The following COL1A1 variants were observed in gnomAD, a reference collection of about 807,000 sequenced individuals.
COL1A1 encodes collagen alpha-1(I) chain.
COL1A1 carries 21 observed loss-of-function variants against 195.7 expected under a neutral mutation model. The observed-to-expected ratio is 0.11, with a 90% CI of 0.08 to 0.15. COL1A1 has a LOEUF of 0.15. COL1A1 is among the 10% of genes least tolerant of loss of function. The pLI, the probability that COL1A1 is intolerant of heterozygous loss-of-function variation, is 1.00. For synonymous variants in COL1A1, 749 were observed against 747.3 expected (o/e 1.00, Z -0.04); for missense variants, 1,365 against 2,051.0 (o/e 0.67, Z 6.46).
Position 50,192,845 on chromosome 17 carries a change from A to C in COL1A1, c.1827T>G (p.Pro609=). ...GVPGPPGAVG[P]AGKDGEAGAQ... ...CTCCAGCCTCTCCATCTTTGCCAGC[A>C]GGACCCTGCAGGGAGAGAGCAAAGG... The change falls in exon 27 of 51, where the codon CCT becomes CCG. Residue 609 remains proline (P), a synonymous_variant. Coordinates refer to ENST00000225964, the MANE Select transcript of COL1A1 (RefSeq NM_000088.4). The C allele has an allele frequency of 6.2e-7, 1 of 1,613,814 alleles. No homozygotes were observed. Among genetic ancestry groups the C allele is most frequent in the Non-Finnish European group, 8.5e-7 (1 of 1,179,930 alleles).
At position 50,188,865 on chromosome 17, in the gene COL1A1, T is replaced by C. The variant is rs751167968; in HGVS notation, c.3045+38A>G. On this transcript the variant is annotated intron_variant, in intron 41 of 50. Transcript: ENST00000225964. The surrounding 1 kb of genome is among the most constrained non-coding windows in gnomAD (Gnocchi z 5.6). The stretch of plus-strand genomic sequence containing the variant: ...GGCTTAGGCAAGGCCACAATGGCCA[T>C]GCTGAGGGTACTGGCATGGGGGCTG... 102 of 1,583,910 alleles carry C rather than the reference T, an allele frequency of 6.4e-5. 2 individuals carry two copies. In the Middle Eastern group the frequency reaches 1.0e-3, roughly 16 times the overall value.
intron 29 of COL1A1, 188 bp from the exon 30 acceptor site, chr17:50,192,212 C>G: frequency 1.3e-6 from 1 of 741,990 alleles, no homozygotes; most frequent in South Asian, 1.8e-5. Context: ...TTCCCCCCTC[C>G]CCAAACTATG....
intron 2 of COL1A1, 81 bp from the exon 3 acceptor site, chr17:50,199,671 C>T: frequency 6.2e-7 from 1 of 1,608,170 alleles, no homozygotes; most frequent in South Asian, 1.1e-5. Flanking sequence ...CACGGAGGGC[C>T]AGCGAGCGCC....
Position 50,187,550 on chromosome 17 carries a change from TA to T in COL1A1, c.3370-14del. The T allele has an allele frequency of 6.2e-7, 1 of 1,613,710 alleles. No homozygotes were observed. Among genetic ancestry groups the T allele is most frequent in the Non-Finnish European group, 8.5e-7 (1 of 1,179,892 alleles). On this transcript the variant is annotated splice_polypyrimidine_tract_variant and intron_variant, in intron 45 of 50. Transcript: ENST00000225964. ...CACCAGGAGAGCCCTGAAGGACAGA[TA>T]AAAAAGGCAGTTCAGGCCCAGTGAG...
chr17:50,189,491 G>A lies in COL1A1; in HGVS notation c.2715C>T (p.Gly905=), dbSNP rs779337831. 2.0e-5 allele frequency: 32 copies of A among 1,613,622 alleles called. No homozygotes were observed. The highest frequency in any genetic ancestry group is 2.2e-5 in the Non-Finnish European group (26 of 1,179,936). Residue 905 remains glycine, a synonymous_variant, in exon 39 of 51, where the codon GGC becomes GGT. Coordinates refer to ENST00000225964, the MANE Select transcript of COL1A1 (RefSeq NM_000088.4). The surrounding 1 kb of genome is among the most constrained non-coding windows in gnomAD (Gnocchi z 5.5). ...PGPPGPAGKE[G]GKGPRGETGP... Reference sequence around the variant, plus strand: ...CAGTCTCACCACGGGGACCTTTGCCGCCTTCTTTGCCAGCAGGACCAGGAG... The same window carrying A: ...CAGTCTCACCACGGGGACCTTTGCCACCTTCTTTGCCAGCAGGACCAGGAG...
chr17:50,199,396 C>T, intron 4 of COL1A1, 22 bp downstream of exon 4: 1 of 1,613,456 alleles, frequency 6.2e-7, no homozygotes. Flanking sequence ...CAGCCCCCCA[C>T]AGCCCAGAGT....
At chr17:50,197,684 C>T (rs1285586568) in intron 9 of COL1A1, 48 bp downstream of exon 9, 1 of 1,479,776 alleles carries the variant, frequency 6.8e-7, no homozygotes, top group South Asian at 1.3e-5. Context: ...GGACCCAACC[C>T]ATGGAGGCCA....
intron 8 of COL1A1, 26 bp downstream of exon 8, chr17:50,197,923 T>C (rs377682912): frequency 1.9e-6 from 3 of 1,611,934 alleles, no homozygotes; most frequent in Non-Finnish European, 2.5e-6. Context: ...GTAGAAGGAG[T>C]ATGAATCTGT....
In COL1A1 at chr17:50,192,032, G is replaced by A. The variant is rs1330634925; in HGVS notation, c.1984-8C>T. 6.2e-7 allele frequency: 1 copy of A among 1,611,880 alleles called. No individual in the cohort carries two copies. The highest frequency in any genetic ancestry group is 8.5e-7 in the Non-Finnish European group (1 of 1,179,290). On this transcript the variant is annotated splice_polypyrimidine_tract_variant and splice_region_variant and intron_variant, in intron 29 of 50. Coordinates refer to ENST00000225964, the MANE Select transcript of COL1A1 (RefSeq NM_000088.4). ...AAGGTCTCCAGGAACACCCTGAGGG[G>A]GAGGGAGAGAGGAACAGACAGTGAG...
chr17:50,193,774 C>A, intron 25 of COL1A1, 169 bp downstream of exon 25: 1 of 701,696 alleles, frequency 1.4e-6, no homozygotes, highest in South Asian at 1.6e-5. Flanking sequence ...AGCCACCGTG[C>A]CCCGCCGAGA....
At position 50,189,143 on chromosome 17, in the gene COL1A1, C is replaced by T. The variant is rs372505770; in HGVS notation, c.2937+25G>A. 1.9e-6 allele frequency: 3 copies of T among 1,609,626 alleles called. No individual in the cohort carries two copies. In the South Asian group the frequency reaches 3.3e-5, roughly 18 times the overall value. Reference sequence around the variant, plus strand: ...GTCCTGTGATGGTTTTTCTCAGGGCCCCCCAAGGTGAGGGGGGCACTTACA... The same window carrying T: ...GTCCTGTGATGGTTTTTCTCAGGGCTCCCCAAGGTGAGGGGGGCACTTACA... On this transcript the variant is annotated intron_variant, in intron 40 of 50. Coordinates refer to ENST00000225964, the MANE Select transcript of COL1A1 (RefSeq NM_000088.4). The surrounding 1 kb of genome is among the most constrained non-coding windows in gnomAD (Gnocchi z 5.5).
intron 45 of COL1A1, 142 bp from the exon 46 acceptor site, chr17:50,187,679 A>T: frequency 1.0e-6 from 1 of 1,003,858 alleles, no homozygotes; most frequent in Non-Finnish European, 1.5e-6. Flanking sequence ...GTCCATAGGC[A>T]GAGACCTCTC....
Position 50,194,509 on chromosome 17 carries a change from C to T in COL1A1, c.1516-62G>A. 6.2e-7 allele frequency: 1 copy of T among 1,612,850 alleles called. No individual in the cohort carries two copies. The highest frequency in any genetic ancestry group is 8.5e-7 in the Non-Finnish European group (1 of 1,179,132). On this transcript the variant is annotated intron_variant, in intron 22 of 50. Transcript: ENST00000225964. This position sits in a 1 kb window ranked among gnomAD's most constrained non-coding sequence, Gnocchi z 6.8. ...AAGTTTGTGGCTCTTTGCCACGGGC[C>T]AAAAGAGGAAGAAGATGCCCAGGGA...
Position 50,199,830 on chromosome 17 carries a change from A to G in COL1A1, c.221T>C (p.Ile74Thr). ...GGGGCAGTTCTTGGTCTCGTCACAG[A>G]TCACGTCATCGCACAACACCTTGCC... ...DNGKVLCDDV[I>T]CDETKNCPGA... is the part of the protein sequence containing the mutation. Residue 74 changes from isoleucine to threonine, a missense_variant, in exon 2 of 51, where the codon ATC (isoleucine) becomes ACC (threonine). By Grantham distance (89) the Ile-to-Thr change is moderately conservative (BLOSUM62 -1). This residue lies in a region of COL1A1 where 194 missense variants were observed against 221.7 expected (regional missense o/e 0.88). Coordinates refer to ENST00000225964, the MANE Select transcript of COL1A1 (RefSeq NM_000088.4). 6.2e-7 allele frequency: 1 copy of G among 1,614,116 alleles called. No individual in the cohort carries two copies. Among genetic ancestry groups the G allele is most frequent in the Non-Finnish European group, 8.5e-7 (1 of 1,180,022 alleles).
intron 45 of COL1A1, 161 bp from the exon 46 acceptor site, chr17:50,187,698 CCTCT>C: frequency 1.1e-6 from 1 of 935,928 alleles, no homozygotes; most frequent in Non-Finnish European, 1.7e-6. Context: ...TCCCATAATC[CCTCT>C]CTGTGTACCC....
chr17:50,192,207 C>T (rs1907163774), intron 29 of COL1A1, 183 bp from the exon 30 acceptor site: 3 of 751,308 alleles, frequency 4.0e-6, no homozygotes, highest in South Asian at 3.5e-5. Context: ...AAGGCTTCCC[C>T]CCTCCCCAAA....
chr17:50,200,201 C>A, intron 1 of COL1A1: 1 of 530,522 alleles, frequency 1.9e-6, no homozygotes, highest in Non-Finnish European at 3.4e-6. Context: ...CGGTGGCTTC[C>A]AACTCCAACC....
chr17:50,198,726 TC>T, intron 5 of COL1A1: 1 of 573,530 alleles, frequency 1.7e-6, no homozygotes, highest in Non-Finnish European at 3.1e-6. Flanking sequence ...TCATCAAAAC[TC>T]CCAGTGCCAC....
At chr17:50,187,229 T>C in intron 46 of COL1A1, 107 bp from the exon 47 acceptor site, 1 of 997,714 alleles carries the variant, frequency 1.0e-6, no homozygotes, top group Admixed American at 2.0e-5. Context: ...CCACGGCTCA[T>C]AGAGCCAGCC....
Sources: allele counts gnomAD v4.1 joint callset, GRCh38; gene constraint gnomAD v4.1.1; regional missense constraint gnomAD v4.1.1; non-coding constraint Gnocchi (gnomAD v3.1); transcripts MANE v1.5; gene names NCBI Gene and HGNC (gene_info 2026-07-23, HGNC 2026-07-21).